CACNA1B: variants seen among roughly 807,000 people sequenced by gnomAD.
CACNA1B encodes voltage-dependent N-type calcium channel subunit alpha-1B.
CACNA1B carries 70 observed loss-of-function variants against 247.2 expected under a neutral mutation model. The observed-to-expected ratio is 0.28, with a 90% confidence interval of 0.23 to 0.35. The LOEUF (loss-of-function observed/expected upper bound fraction) is 0.35. Among genes scored for constraint, CACNA1B ranks in the 10% least tolerant of loss-of-function variants. The pLI is 1.00. For synonymous variants in CACNA1B, 1,231 were observed against 1,294.4 expected (o/e 0.95, Z 1.05); for missense variants, 2,367 against 3,197.4 (o/e 0.74, Z 6.26).
intron 39 of CACNA1B, 139 bp downstream of exon 39, chr9:138,105,946 G>C: frequency 3.3e-6 from 2 of 600,500 alleles, no homozygotes; most frequent in Non-Finnish European, 3.0e-6. Flanking sequence ...CAGCTGCACA[G>C]GATACCCACC....
chr9:137,916,321 C>A (rs560003053), intron 5 of CACNA1B, among the ~76,000 whole-genome samples: 24 of 152,328 alleles, frequency 1.6e-4, no homozygotes, highest in African/African-American at 5.1e-4. Context: ...GCGTGAGCCA[C>A]CGTGCCTGGC....
intron 15 of CACNA1B, among the ~76,000 whole-genome samples, chr9:138,005,049 C>T (rs1406262010): frequency 6.6e-6 from 1 of 152,160 alleles, no homozygotes; most frequent in East Asian, 1.9e-4. Context: ...TAAATTAGTC[C>T]AGCCACTCTG....
chr9:138,015,195 T>C (rs892864433), intron 18 of CACNA1B, among the ~76,000 whole-genome samples: 6 of 152,130 alleles, frequency 3.9e-5, no homozygotes, highest in Non-Finnish European at 7.4e-5. Flanking sequence ...GCCCGAGGCG[T>C]CCAGGTGTCA....
chr9:137,896,724 A>G (rs1315507546), intron 3 of CACNA1B, among the ~76,000 whole-genome samples: 1 of 152,248 alleles, frequency 6.6e-6, no homozygotes, highest in Admixed American at 6.5e-5. Flanking sequence ...TTTGTTAGAA[A>G]AATCTACAGT....
At chr9:137,992,012 T>C (rs1306647515) in intron 15 of CACNA1B, among the ~76,000 whole-genome samples, 4 of 151,848 alleles carry the variant, frequency 2.6e-5, no homozygotes, top group Admixed American at 2.6e-4. Context: ...CAACAGAACC[T>C]CTATAACAAT....
At chr9:137,966,747 C>T (rs940249334) in intron 10 of CACNA1B, among the ~76,000 whole-genome samples, 2 of 151,900 alleles carry the variant, frequency 1.3e-5, no homozygotes, top group Admixed American at 1.3e-4. Context: ...ACCATGTTAG[C>T]CAGGACAGTC....
At chr9:138,097,673 C>T (rs751032717) in intron 37 of CACNA1B, among the ~76,000 whole-genome samples, 2 of 152,172 alleles carry the variant, frequency 1.3e-5, no homozygotes, top group Non-Finnish European at 2.9e-5. Context: ...CCGAGGCCTG[C>T]CTTCTCTCTC....
chr9:138,002,544 C>CAAA (rs554684903), intron 15 of CACNA1B, among the ~76,000 whole-genome samples: 43 of 97,068 alleles, frequency 4.4e-4, no homozygotes, highest in Middle Eastern at 6.0e-3. Context: ...AGCCCATATC[C>CAAA]AAAAAAAAAA....
chr9:138,108,418 G>A (rs1451038844), intron 39 of CACNA1B, among the ~76,000 whole-genome samples: 1 of 151,778 alleles, frequency 6.6e-6, no homozygotes, highest in Non-Finnish European at 1.5e-5. Context: ...GGTCCAAATG[G>A]CTTCTTTATT....
At chr9:138,078,342 C>T in intron 36 of CACNA1B, 84 bp downstream of exon 36, 2 of 1,368,450 alleles carry the variant, frequency 1.5e-6, no homozygotes, top group Non-Finnish European at 2.1e-6. Flanking sequence ...CTGCTGATCC[C>T]TGACTCTGAT....
At chr9:138,101,107 C>T (rs754229247) in intron 37 of CACNA1B, 1 of 532,426 alleles carries the variant, frequency 1.9e-6, no homozygotes, top group Non-Finnish European at 3.9e-6. Flanking sequence ...TTTCCAGTTG[C>T]CGGATTCATT....
At chr9:138,035,915 A>G (rs970129404) in intron 20 of CACNA1B, among the ~76,000 whole-genome samples, 3 of 152,086 alleles carry the variant, frequency 2.0e-5, no homozygotes, top group Non-Finnish European at 2.9e-5. Context: ...TGTTTCAAAT[A>G]TTTTTTCCAA....
intron 6 of CACNA1B, among the ~76,000 whole-genome samples, chr9:137,946,916 C>G (rs1957803876): frequency 1.3e-5 from 2 of 152,212 alleles, no homozygotes. Flanking sequence ...CATCCAGGTT[C>G]TTGGCATTTT....
At chr9:137,998,594 A>G (rs533565617) in intron 15 of CACNA1B, among the ~76,000 whole-genome samples, 40 of 152,354 alleles carry the variant, frequency 2.6e-4, no homozygotes, top group Non-Finnish European at 4.9e-4. Flanking sequence ...AAAACAAAAC[A>G]AAACAAAAGA....
In CACNA1B at chr9:138,043,827, G is replaced by C. The variant is rs758070953; in HGVS notation, c.3340G>C (p.Asp1114His). 1 of 1,613,954 alleles carries C rather than the reference G, an allele frequency of 6.2e-7. No homozygotes were observed. Among genetic ancestry groups the C allele is most frequent in the Non-Finnish European group, 8.5e-7 (1 of 1,179,878 alleles). Residue 1114 changes from aspartate (D) to histidine (H), a missense_variant, in exon 21 of 47, where the codon GAT becomes CAT. This residue lies in a region of CACNA1B where 631 missense variants were observed against 631.1 expected (regional missense o/e 1.00). Coordinates refer to ENST00000371372, the MANE Select transcript of CACNA1B (RefSeq NM_000718.4). Reference protein sequence around the residue: ...QAEGKKEVEADDVMRSGPRPI... With the variant: ...QAEGKKEVEAHDVMRSGPRPI... ...AGAGGGGAAGAAGGAGGTGGAAGCG[G>C]ATGACGTGATGAGGAGCGGCCCCCG...
chr9:138,004,065 T>C (rs1199191954), intron 15 of CACNA1B, among the ~76,000 whole-genome samples: 1 of 152,034 alleles, frequency 6.6e-6, no homozygotes, highest in Non-Finnish European at 1.5e-5. Flanking sequence ...TGGAAACATC[T>C]AGTGAAGTCG....
chr9:138,078,331 C>T (rs1262135618), intron 36 of CACNA1B, 73 bp downstream of exon 36: 33 of 1,410,938 alleles, frequency 2.3e-5, no homozygotes, highest in Non-Finnish European at 9.9e-7. Context: ...TCCCACATCT[C>T]CTGCTGATCC....
At chr9:138,049,423 C>T (rs1002654422) in intron 24 of CACNA1B, 108 bp downstream of exon 24, 5 of 757,300 alleles carry the variant, frequency 6.6e-6, no homozygotes, top group African/African-American at 5.2e-5. Context: ...CCTGGGCTGC[C>T]TGTGGCTCTG....
intron 23 of CACNA1B, 52 bp downstream of exon 23, chr9:138,047,510 A>C: frequency 1.6e-6 from 2 of 1,256,892 alleles, no homozygotes; most frequent in Non-Finnish European, 2.3e-6. Context: ...TCCCTCCCTC[A>C]TGATTGAGAT....
Sources: allele counts gnomAD v4.1 joint callset (sites outside exome capture counted in the v4.1 genomes callset), GRCh38; gene constraint gnomAD v4.1.1; regional missense constraint gnomAD v4.1.1; transcripts MANE v1.5; gene names NCBI Gene and HGNC (gene_info 2026-07-23, HGNC 2026-07-21).